RAB38: variants seen among roughly 807,000 people sequenced by gnomAD.
RAB38 encodes the protein ras-related protein Rab-38.
In RAB38, 15 loss-of-function variants were observed where a neutral mutation model predicts 18.4. The observed-to-expected ratio is 0.82, with a 90% CI of 0.55 to 1.26. The LOEUF is 1.26. RAB38 is among the 50% of genes most tolerant of loss of function. RAB38 has a pLI of 0.00. For missense variants in RAB38, 294 were observed against 267.4 expected (o/e 1.10, Z -0.69); for synonymous variants, 101 against 104.4 (o/e 0.97, Z 0.20).
At chr11:88,092,148 C>G in the RAB38 span, among the ~76,000 whole-genome samples, 1 of 151,522 alleles carries the variant, frequency 6.6e-6, no homozygotes, top group Admixed American at 6.6e-5. Context: ...AGTTTCTTTA[C>G]TTTATTTTGT....
At chr11:87,953,568 TTTACA>T in the RAB38 span, among the ~76,000 whole-genome samples, 1 of 152,298 alleles carries the variant, frequency 6.6e-6, no homozygotes, top group Admixed American at 6.5e-5. Context: ...AATATAATTG[TTTACA>T]TTATTATTAT....
chr11:87,836,316 C>A, the RAB38 span, among the ~76,000 whole-genome samples: 1 of 152,132 alleles, frequency 6.6e-6, no homozygotes, highest in Non-Finnish European at 1.5e-5. Flanking sequence ...TTTAATCTGT[C>A]CTTTCTCTGG....
the RAB38 span, among the ~76,000 whole-genome samples, chr11:88,073,076 C>T: frequency 3.5e-3 from 539 of 152,292 alleles, 1 homozygote; most frequent in Non-Finnish European, 4.6e-3. Flanking sequence ...GGTTTATACA[C>T]TACAAAAAGT....
the RAB38 span, among the ~76,000 whole-genome samples, chr11:88,084,257 C>T: frequency 3.3e-5 from 5 of 151,132 alleles, no homozygotes; most frequent in East Asian, 3.9e-4. Flanking sequence ...TGTGGTTGAA[C>T]GAGGAGAAAA....
At chr11:88,040,106 G>C in the RAB38 span, among the ~76,000 whole-genome samples, 1 of 152,226 alleles carries the variant, frequency 6.6e-6, no homozygotes, top group African/African-American at 2.4e-5. Flanking sequence ...AGCCCCAAGA[G>C]AGACACTCTA....
the RAB38 span, among the ~76,000 whole-genome samples, chr11:87,974,257 G>A: frequency 3.3e-5 from 5 of 151,654 alleles, no homozygotes; most frequent in African/African-American, 4.8e-5. Context: ...AGAACATATG[G>A]CAAAGCTCCA....
chr11:88,006,533 C>G, the RAB38 span, among the ~76,000 whole-genome samples: 1 of 143,884 alleles, frequency 7.0e-6, no homozygotes, highest in Non-Finnish European at 1.5e-5. Context: ...ACCTAAATAT[C>G]CATCAACAGA....
At chr11:88,060,429 C>T in the RAB38 span, among the ~76,000 whole-genome samples, 3 of 152,080 alleles carry the variant, frequency 2.0e-5, no homozygotes, top group African/African-American at 7.2e-5. Flanking sequence ...TTACTTAATT[C>T]CCAAAGTAAA....
chr11:87,878,171 C>T, the RAB38 span, among the ~76,000 whole-genome samples: 6 of 142,306 alleles, frequency 4.2e-5, no homozygotes, highest in Non-Finnish European at 6.0e-5. Flanking sequence ...TAAAAAACTG[C>T]TCTTTTATCT....
At chr11:87,825,338 A>G in the RAB38 span, among the ~76,000 whole-genome samples, 1 of 152,194 alleles carries the variant, frequency 6.6e-6, no homozygotes, top group Non-Finnish European at 1.5e-5. Flanking sequence ...CTGCCATAAC[A>G]AAATAACACA....
chr11:88,056,702 G>C, the RAB38 span, among the ~76,000 whole-genome samples: 1 of 152,082 alleles, frequency 6.6e-6, no homozygotes, highest in East Asian at 1.9e-4. Context: ...TACTCGGAAG[G>C]CTGAGGCAGG....
the RAB38 span, among the ~76,000 whole-genome samples, chr11:87,867,061 G>A: frequency 6.6e-6 from 1 of 151,748 alleles, no homozygotes; most frequent in African/African-American, 2.4e-5. Flanking sequence ...ACATAACTGG[G>A]TGGAGCCAAC....
At chr11:87,873,920 G>GTATATATATA in the RAB38 span, among the ~76,000 whole-genome samples, 9 of 33,824 alleles carry the variant, frequency 2.7e-4, no homozygotes, top group East Asian at 4.4e-4. Flanking sequence ...GTGTGTGTGT[G>GTATATATATA]TGTATATATA....
chr11:87,812,428 C>G, the RAB38 span, among the ~76,000 whole-genome samples: 1 of 152,006 alleles, frequency 6.6e-6, no homozygotes, highest in Non-Finnish European at 1.5e-5. Flanking sequence ...GAAAAAAAGT[C>G]AACACATTCA....
intron 2 of RAB38, chr11:88,115,484 T>C (rs1361486535): frequency 6.6e-6 from 1 of 152,206 alleles, no homozygotes; most frequent in Non-Finnish European, 1.5e-5. Flanking sequence ...AGGTTCTCCA[T>C]CCTTCAAGCC....
intron 2 of RAB38, among the ~76,000 whole-genome samples, chr11:88,122,022 A>AATTT (rs1312257627): frequency 6.6e-6 from 1 of 152,256 alleles, no homozygotes; most frequent in Non-Finnish European, 1.5e-5. Context: ...TTAATTGATC[A>AATTT]ATTTATTTAT....
chr11:87,820,615 G>T, the RAB38 span, among the ~76,000 whole-genome samples: 2 of 152,242 alleles, frequency 1.3e-5, no homozygotes, highest in East Asian at 3.9e-4. Flanking sequence ...TGATTTTCAT[G>T]CATGAAACTC....
At chr11:87,943,943 G>A in the RAB38 span, among the ~76,000 whole-genome samples, 1 of 152,028 alleles carries the variant, frequency 6.6e-6, no homozygotes, top group Non-Finnish European at 1.5e-5. Context: ...TTGGCCAATT[G>A]GTAGAAATGA....
At chr11:88,031,541 C>A in the RAB38 span, among the ~76,000 whole-genome samples, 1 of 151,970 alleles carries the variant, frequency 6.6e-6, no homozygotes, top group Non-Finnish European at 1.5e-5. Context: ...TCTCAGGATA[C>A]AAAATCAATG....
Sources: allele counts gnomAD v4.1 joint callset (sites outside exome capture counted in the v4.1 genomes callset), GRCh38; gene constraint gnomAD v4.1.1; transcripts MANE v1.5; gene names NCBI Gene and HGNC (gene_info 2026-07-23, HGNC 2026-07-21).